The following GAL3ST4 variants were observed in gnomAD, a reference collection of about 807,000 sequenced individuals.
GAL3ST4 encodes galactose-3-O-sulfotransferase 4.
Under a neutral mutation model 31.6 loss-of-function variants are expected in GAL3ST4, and 30 were observed. The observed-to-expected ratio is 0.95, with a 90% CI of 0.71 to 1.29. The LOEUF is 1.29. GAL3ST4 is among the 50% of genes most tolerant of loss of function. GAL3ST4 has a pLI of 0.00. For missense variants in GAL3ST4, 629 were observed against 625.2 expected (o/e 1.01, Z -0.06); for synonymous variants, 248 against 256.9 (o/e 0.97, Z 0.33).
chr7:100,162,980 C>T (rs775290194), intron 3 of GAL3ST4, among the ~76,000 whole-genome samples: 2 of 152,130 alleles, frequency 1.3e-5, no homozygotes, highest in Non-Finnish European at 2.9e-5. Flanking sequence ...TTTCTGTCTG[C>T]CTTGGTCAGT....
chr7:100,165,855 A>ACACACACG lies in GAL3ST4; in HGVS notation c.429+646_429+647insCGTGTGTG, dbSNP rs1410673399. Reference sequence around the variant, plus strand: ...CACACACACACACACACACACACACACACAGGCTGGGCAAGCTCACTCCTG... The same window carrying ACACACACG: ...CACACACACACACACACACACACACACACACACGCACAGGCTGGGCAAGCTCACTCCTG... On this transcript the variant is annotated intron_variant, in intron 3 of 3. Transcript: ENST00000360039. Among the ~76,000 whole-genome samples the ACACACACG allele has an allele frequency of 2.6e-5, 4 of 151,366 alleles. No individual in the cohort carries two copies. The East Asian group carries it at 7.8e-4, about 29-fold the overall frequency.
chr7:100,166,654 G>C lies in GAL3ST4; in HGVS notation c.277C>G (p.His93Asp), dbSNP rs752417336. ...GCAGGGAGGGCGAAGCGCAGCCCGT[G>C]CTGGTCCCCATAGCGGTGAAGCAGG... Reference protein sequence around the residue: ...LSLLHRYGDQHGLRFALPARY... With the variant: ...LSLLHRYGDQDGLRFALPARY... Residue 93 changes from histidine (H) to aspartate (D), a missense_variant, in exon 3 of 4, where the codon CAC (histidine) becomes GAC (aspartate). Transcript: ENST00000360039. 3 of 1,614,204 alleles carry C rather than the reference G, an allele frequency of 1.9e-6. No homozygotes were observed. In the Admixed American group the frequency reaches 5.0e-5, roughly 27 times the overall value.
At position 100,166,823 on chromosome 7, in the gene GAL3ST4, G is replaced by T. The variant is rs776371201; in HGVS notation, c.126-18C>A. On this transcript the variant is annotated intron_variant, in intron 2 of 3. Coordinates refer to ENST00000360039, the MANE Select transcript of GAL3ST4 (RefSeq NM_024637.5). Reference sequence around the variant, plus strand: ...CAGGTAGCCTGGGAAGAGATGGAGGGGGAGTGTCCTGTTCCTCAGCAGCAA... The same window carrying T: ...CAGGTAGCCTGGGAAGAGATGGAGGTGGAGTGTCCTGTTCCTCAGCAGCAA... 1.3e-6 allele frequency: 2 copies of T among 1,583,472 alleles called. No individual in the cohort carries two copies. The highest frequency in any genetic ancestry group is 2.3e-5 in the East Asian group (1 of 43,754).
chr7:100,167,344 T>G, intron 1 of GAL3ST4, 61 bp from the exon 2 acceptor site: 1 of 864,214 alleles, frequency 1.2e-6, no homozygotes, highest in Non-Finnish European at 1.7e-6. Context: ...GGCAGCCTTC[T>G]CTCCTGCTGC....
In GAL3ST4 at chr7:100,159,821, G is replaced by T; in HGVS notation, c.*107C>A. ...AAGAGGGGGCTTGCATCGGGACAAA[G>T]ACTCATCCCTTCTGGGAGATGCAGA... On this transcript the variant is annotated 3_prime_UTR_variant, in exon 4 of 4. Coordinates refer to ENST00000360039, the MANE Select transcript of GAL3ST4 (RefSeq NM_024637.5). 1 of 948,760 alleles carries T rather than the reference G, an allele frequency of 1.1e-6. No homozygotes were observed. The highest frequency in any genetic ancestry group is 1.6e-6 in the Non-Finnish European group (1 of 625,318). 58.8% of individuals were successfully genotyped at this position (948,760 alleles called of 1,614,324 possible). A position where few individuals can be genotyped will look rare whatever the true frequency, so the allele number is the denominator to read the frequency against.
Position 100,166,499 on chromosome 7 carries a change from T to C in GAL3ST4, c.429+3A>G, listed in dbSNP as rs1799075566. On this transcript the variant is annotated splice_donor_region_variant and intron_variant, in intron 3 of 3. Transcript: ENST00000360039. ...TCCCTCCCACCACTGCGACACTCCT[T>C]ACCTCTTTCAGGTTGAACCTCATGT... The C allele has an allele frequency of 6.2e-7, 1 of 1,609,992 alleles. No individual in the cohort carries two copies. The highest frequency in any genetic ancestry group is 8.5e-7 in the Non-Finnish European group (1 of 1,177,466).
At position 100,159,903 on chromosome 7, in the gene GAL3ST4, T is replaced by C. The variant is rs1423709471; in HGVS notation, c.*25A>G. The C allele has an allele frequency of 1.3e-6, 2 of 1,556,596 alleles. No homozygotes were observed. The highest frequency in any genetic ancestry group is 3.5e-4 in the Middle Eastern group (2 of 5,738). ...TGTGCCCTTCAAACATGGCTGCTCT[T>C]CCACCTAAATCTGTAGTCTGATGTT... On this transcript the variant is annotated 3_prime_UTR_variant, in exon 4 of 4. Coordinates refer to ENST00000360039, the MANE Select transcript of GAL3ST4 (RefSeq NM_024637.5).
In GAL3ST4 at chr7:100,159,971, G is replaced by A; in HGVS notation, c.1418C>T (p.Thr473Ile). ...DKLDAKQFPP[T>I]VSLPLKTSRP... is the part of the protein sequence containing the mutation. ...TGAAGTCTTGAGGGGCAGTGAGACG[G>A]TAGGGGGGAACTGCTTGGCATCCAG... is the stretch of plus-strand genomic sequence containing the variant. The change falls in exon 4 of 4, where the codon ACC becomes ATC. Residue 473 changes from threonine (T) to isoleucine (I), a missense_variant. Physicochemically the swap from Thr to Ile is moderately conservative, Grantham distance 89. Transcript: ENST00000360039. The A allele has an allele frequency of 6.2e-7, 1 of 1,613,118 alleles. No individual in the cohort carries two copies. Among genetic ancestry groups the A allele is most frequent in the Non-Finnish European group, 8.5e-7 (1 of 1,179,502 alleles).
chr7:100,165,191 A>G (rs1398782642), intron 3 of GAL3ST4, among the ~76,000 whole-genome samples: 1 of 134,080 alleles, frequency 7.5e-6, no homozygotes, highest in Non-Finnish European at 1.6e-5. Context: ...TCTTTTGTGA[A>G]ATGGAGTCTC....
Position 100,160,612 on chromosome 7 carries a change from G to A in GAL3ST4, c.777C>T (p.Leu259=), listed in dbSNP as rs1781417337. ...CAGTAACAGTGGAAACAGGATGGATGAGGGCATTGGGATTGAGGGTTTGGG... is the reference window on the plus strand; with the variant it reads ...CAGTAACAGTGGAAACAGGATGGATAAGGGCATTGGGATTGAGGGTTTGGG... ...PRAQTLNPNA[L]IHPVSTVTDH... is the part of the protein sequence containing the mutation. The change falls in exon 4 of 4, where the codon CTC becomes CTT. Residue 259 remains leucine (L), a synonymous_variant. Transcript: ENST00000360039. The A allele has an allele frequency of 6.2e-7, 1 of 1,613,726 alleles. No homozygotes were observed. Among genetic ancestry groups the A allele is most frequent in the South Asian group, 1.1e-5 (1 of 91,086 alleles).
chr7:100,160,694 G>C lies in GAL3ST4; in HGVS notation c.695C>G (p.Pro232Arg), dbSNP rs1213969708. 6.2e-7 allele frequency: 1 copy of C among 1,613,790 alleles called. No homozygotes were observed. Residue 232 changes from proline (P) to arginine (R), a missense_variant, in exon 4 of 4, where the codon CCC becomes CGC. By Grantham distance (103) the Pro-to-Arg change is moderately radical. Transcript: ENST00000360039. Reference sequence around the variant, plus strand: ...CAGCTGTGGGGGGTTGGGGTCTCTGGGGGGATGAATATTCCCTCTCTTGGC... The same window carrying C: ...CAGCTGTGGGGGGTTGGGGTCTCTGCGGGGATGAATATTCCCTCTCTTGGC... ...KRAKRGNIHPPRDPNPPQLQV... is the reference protein window; with the variant it reads ...KRAKRGNIHPRRDPNPPQLQV...
In GAL3ST4 at chr7:100,160,877, T is replaced by C. The variant is rs779199112; in HGVS notation, c.512A>G (p.Tyr171Cys). ...GAAGGCTGATGAGGTGGATTTATAG[T>C]AGGAGAAGGCAGAGCGAGCCAGAGC... The part of the protein sequence containing the change: ...PAALARSAFS[Y>C]YKSTSSAFRK... Residue 171 changes from tyrosine to cysteine, a missense_variant, in exon 4 of 4, where the codon TAC (tyrosine) becomes TGC (cysteine). Coordinates refer to ENST00000360039, the MANE Select transcript of GAL3ST4 (RefSeq NM_024637.5). 3.1e-6 allele frequency: 5 copies of C among 1,613,830 alleles called. No individual in the cohort carries two copies. The highest frequency in any genetic ancestry group is 4.2e-6 in the Non-Finnish European group (5 of 1,179,970).
rs1799074242 is a variant in GAL3ST4, at chr7:100,166,438, C to T, written c.429+64G>A. 9.2e-6 allele frequency: 14 copies of T among 1,520,274 alleles called. No homozygotes were observed. In the South Asian group the frequency reaches 1.8e-4, roughly 19 times the overall value. The allele number at this position is 1,520,274 out of a possible 1,614,324, so 94.2% of individuals were successfully genotyped here. A position where few individuals can be genotyped will look rare whatever the true frequency, so the allele number is the denominator to read the frequency against. On this transcript the variant is annotated intron_variant, in intron 3 of 3. Coordinates refer to ENST00000360039, the MANE Select transcript of GAL3ST4 (RefSeq NM_024637.5). ...GGAGCCCCCAGGTCTGGGCCCCCTC[C>T]CTTGGTGGTGTCAGCCTGAGCCCAT...
At position 100,166,517 on chromosome 7, in the gene GAL3ST4, C is replaced by A; in HGVS notation, c.414G>T (p.Arg138Ser). The A allele has an allele frequency of 6.2e-7, 1 of 1,613,144 alleles. No individual in the cohort carries two copies. Among genetic ancestry groups the A allele is most frequent in the Non-Finnish European group, 8.5e-7 (1 of 1,179,508 alleles). Residue 138 changes from arginine (R) to serine (S), a missense_variant, in exon 3 of 4, where the codon AGG (arginine) becomes AGT (serine). By Grantham distance (110) the Arg-to-Ser change is moderately radical. Transcript: ENST00000360039. ...CACTCCTTACCTCTTTCAGGTTGAA[C>A]CTCATGTGGTGACAGAGGATGTGGA... ...LPFHILCHHMRFNLKEVLQVM... is the reference protein window; with the variant it reads ...LPFHILCHHMSFNLKEVLQVM...
rs1236274254 is a variant in GAL3ST4 at position 100,159,977 on chromosome 7, G to A, written c.1412C>T (p.Pro471Leu). The A allele has an allele frequency of 5.0e-6, 8 of 1,613,660 alleles. No homozygotes were observed. In the East Asian group the frequency reaches 1.3e-4, roughly 27 times the overall value. ...CTTGAGGGGCAGTGAGACGGTAGGG[G>A]GGAACTGCTTGGCATCCAGCTTGTC... ...YKDKLDAKQF[P>L]PTVSLPLKTS... The change falls in exon 4 of 4, where the codon CCC becomes CTC. Residue 471 changes from proline (P) to leucine (L), a missense_variant. Coordinates refer to ENST00000360039, the MANE Select transcript of GAL3ST4 (RefSeq NM_024637.5).
rs775926965 is a variant in GAL3ST4 at position 100,166,737 on chromosome 7, G to A, written c.194C>T (p.Pro65Leu). 1 of 1,613,982 alleles carries A rather than the reference G, an allele frequency of 6.2e-7. No homozygotes were observed. Among genetic ancestry groups the A allele is most frequent in the Non-Finnish European group, 8.5e-7 (1 of 1,179,946 alleles). Residue 65 changes from proline to leucine, a missense_variant, in exon 3 of 4, where the codon CCC (proline) becomes CTC (leucine). Physicochemically the swap from Pro to Leu is moderately conservative, Grantham distance 98. Transcript: ENST00000360039. ...SLRPALPSCP[P>L]RQRLVFLKTH... ...CTTCAGGAACACCAGTCGCTGCCGG[G>A]GTGGGCAGGACGGAAGGGCTGGTCG...
In GAL3ST4 at chr7:100,166,567, G is replaced by A; in HGVS notation, c.364C>T (p.Gln122Ter). 3 of 1,614,218 alleles carry A rather than the reference G, an allele frequency of 1.9e-6. No individual in the cohort carries two copies. The highest frequency in any genetic ancestry group is 2.5e-6 in the Non-Finnish European group (3 of 1,180,028). The part of the protein sequence containing the change: ...QASRVKGYRP[Q>*]GGGTQLPFHI... The stretch of plus-strand genomic sequence containing the variant: ...AAGGGGAGCTGGGTGCCTCCACCCT[G>A]TGGGCGGTAGCCTTTTACCCTAGAG... Residue 122 changes from glutamine to a stop codon, truncating the protein, a stop_gained, in exon 3 of 4, where the codon CAG becomes TAG. Transcript: ENST00000360039. LOFTEE classifies it high-confidence loss of function.
Position 100,159,923 on chromosome 7 carries a change from G to A in GAL3ST4, c.*5C>T, listed in dbSNP as rs1431837342. 3 of 1,589,156 alleles carry A rather than the reference G, an allele frequency of 1.9e-6. No homozygotes were observed. In the African/African-American group the frequency reaches 4.0e-5, roughly 21 times the overall value. ...GCTCTTCCACCTAAATCTGTAGTCT[G>A]ATGTTTATGGGGAGAGTGGCCTTGA... On this transcript the variant is annotated 3_prime_UTR_variant, in exon 4 of 4. Coordinates refer to ENST00000360039, the MANE Select transcript of GAL3ST4 (RefSeq NM_024637.5).
At position 100,160,317 on chromosome 7, in the gene GAL3ST4, G is replaced by T; in HGVS notation, c.1072C>A (p.Arg358=). The part of the protein sequence containing the change: ...LTAEDRQLTA[R]ARAWNNLDWA... ...TCCAGGTTGTTCCAGGCTCGGGCCC[G>T]TGCAGTCAGCTGCCGGTCCTCCGCA... The change falls in exon 4 of 4, where the codon CGG becomes AGG. Residue 358 remains arginine (R), a synonymous_variant. Transcript: ENST00000360039. 2 of 1,613,770 alleles carry T rather than the reference G, an allele frequency of 1.2e-6. No individual in the cohort carries two copies. The highest frequency in any genetic ancestry group is 1.7e-6 in the Non-Finnish European group (2 of 1,179,920).
Sources: allele counts gnomAD v4.1 joint callset (sites outside exome capture counted in the v4.1 genomes callset), GRCh38; gene constraint gnomAD v4.1.1; transcripts MANE v1.5; gene names NCBI Gene and HGNC (gene_info 2026-07-23, HGNC 2026-07-21).